Variants in TK2 observed in about 807,000 individuals in gnomAD.
The protein encoded by TK2 is thymidine kinase 2, mitochondrial.
Under a neutral mutation model 41.9 loss-of-function variants are expected in TK2, and 35 were observed. The observed-to-expected ratio is 0.84, with a 90% CI of 0.64 to 1.11. TK2 has a LOEUF of 1.11. Among genes scored for constraint, TK2 ranks in the 50% least tolerant of loss-of-function variants. The pLI is 0.00. For missense variants in TK2, 320 were observed against 351.1 expected (o/e 0.91, Z 0.71); for synonymous variants, 128 against 129.1 (o/e 0.99, Z 0.06).
rs1387478936 is a variant in TK2, at chr16:66,517,955, G to C, written c.450-78C>G. The C allele has an allele frequency of 8.1e-7, 1 of 1,231,010 alleles. No individual in the cohort carries two copies. The highest frequency in any genetic ancestry group is 1.5e-5 in the African/African-American group (1 of 67,440). 76.3% of individuals were successfully genotyped at this position (1,231,010 alleles called of 1,614,324 possible). ...TGCAATTCCCCCAAAAGGATCTTGA[G>C]ACGGCTCTCAATGAAAGGAGTCACC... On this transcript the variant is annotated intron_variant, in intron 6 of 9. Coordinates refer to ENST00000544898, the MANE Select transcript of TK2 (RefSeq NM_004614.5). The surrounding 1 kb of genome is among the most constrained non-coding windows in gnomAD (Gnocchi z 4.3).
rs891183857 is a variant in TK2, at chr16:66,510,040, A to C, written c.*1928T>G. 1.3e-5 allele frequency: 2 copies of C among 152,232 alleles called. No individual in the cohort carries two copies. The highest frequency in any genetic ancestry group is 4.8e-5 in the African/African-American group (2 of 41,444). The allele number at this position is 152,232 out of a possible 1,614,324, so 9.4% of individuals were successfully genotyped here. On this transcript the variant is annotated 3_prime_UTR_variant, in exon 10 of 10. Transcript: ENST00000544898. The stretch of plus-strand genomic sequence containing the variant: ...TAGGAAACACGGAGTTTGAAAAATA[A>C]AAACACGTTAATCTACTGGCAAAAG...
chr16:66,527,455 G>A (rs776774295), intron 6 of TK2, among the ~76,000 whole-genome samples: 1 of 152,140 alleles, frequency 6.6e-6, no homozygotes, highest in Non-Finnish European at 1.5e-5. Context: ...AACAAGTTGG[G>A]CTGGAGACCA....
intron 5 of TK2, among the ~76,000 whole-genome samples, chr16:66,529,535 T>C (rs2144402479): frequency 6.6e-6 from 1 of 152,348 alleles, no homozygotes; most frequent in East Asian, 1.9e-4. Context: ...GGTGACGTTC[T>C]GGGGGCTCTG....
At position 66,533,072 on chromosome 16, in the gene TK2, A is replaced by C. The variant is rs1261769377; in HGVS notation, c.286-1603T>G. Among the ~76,000 whole-genome samples the C allele has an allele frequency of 1.2e-4, 9 of 75,886 alleles. No individual in the cohort carries two copies. The Admixed American group carries it at 1.5e-3, about 13-fold the overall frequency. The allele number at this position is 75,886 out of a possible 152,430, so 49.8% of individuals were successfully genotyped here. On this transcript the variant is annotated intron_variant, in intron 4 of 9. Coordinates refer to ENST00000544898, the MANE Select transcript of TK2 (RefSeq NM_004614.5). The stretch of plus-strand genomic sequence containing the variant: ...ACCTATCACCTGTCTTTTTGATAAA[A>C]ATCTTTTTTTTTTTTTAAACAGAGT...
At chr16:66,536,843 C>T (rs988643577) in intron 4 of TK2, 121 bp downstream of exon 4, 3 of 1,224,414 alleles carry the variant, frequency 2.5e-6, no homozygotes, top group Non-Finnish European at 3.6e-6. Flanking sequence ...CCTCCCTGGT[C>T]TTCTCCAACT....
rs1255063590 is a variant in TK2 at position 66,510,257 on chromosome 16, T to C, written c.*1711A>G. The C allele has an allele frequency of 7.0e-6, 1 of 142,246 alleles. No homozygotes were observed. Among genetic ancestry groups the C allele is most frequent in the African/African-American group, 2.6e-5 (1 of 37,964 alleles). 8.8% of individuals were successfully genotyped at this position (142,246 alleles called of 1,614,324 possible). On this transcript the variant is annotated 3_prime_UTR_variant, in exon 10 of 10. Coordinates refer to ENST00000544898, the MANE Select transcript of TK2 (RefSeq NM_004614.5). The stretch of plus-strand genomic sequence containing the variant: ...GAGAGAAATCACATTTCCCCAAAAA[T>C]GGATGTGCAAAATGAGCCGAGAGGA...
intron 4 of TK2, among the ~76,000 whole-genome samples, chr16:66,535,494 A>C (rs1416621324): frequency 1.3e-5 from 2 of 152,198 alleles, no homozygotes; most frequent in African/African-American, 4.8e-5. Flanking sequence ...TCTTCTCCCG[A>C]ATGCACAGAG....
intron 3 of TK2, among the ~76,000 whole-genome samples, chr16:66,539,340 T>C (rs1369532609): frequency 5.3e-5 from 8 of 152,054 alleles, no homozygotes; most frequent in Non-Finnish European, 7.4e-5. Context: ...GGCTCACGCC[T>C]GTAATCCCAG....
At chr16:66,533,051 A>C (rs1364294476) in intron 4 of TK2, among the ~76,000 whole-genome samples, 1 of 148,460 alleles carries the variant, frequency 6.7e-6, no homozygotes, top group Non-Finnish European at 1.5e-5. Context: ...CTCCACACCT[A>C]TCACCTGTCT....
At chr16:66,538,869 G>A (rs1965367217) in intron 3 of TK2, among the ~76,000 whole-genome samples, 1 of 152,110 alleles carries the variant, frequency 6.6e-6, no homozygotes, top group Admixed American at 6.5e-5. Flanking sequence ...GACAGCCTGG[G>A]CTGGGATCTG....
intron 3 of TK2, among the ~76,000 whole-genome samples, chr16:66,539,424 C>T (rs1283753566): frequency 2.0e-5 from 3 of 151,834 alleles, no homozygotes; most frequent in South Asian, 2.1e-4. Context: ...CATGGTGAAA[C>T]CCCATCTCTA....
chr16:66,513,447 G>C (rs1964510196), intron 9 of TK2, among the ~76,000 whole-genome samples: 1 of 152,144 alleles, frequency 6.6e-6, no homozygotes, highest in South Asian at 2.1e-4. Context: ...GGTGAAAACT[G>C]AGACCCGGGT....
Position 66,509,913 on chromosome 16 carries a change from G to C in TK2, c.*2055C>G, listed in dbSNP as rs1964400982. ...TTCAGGTGTGGTCTCTAGGCTGGGA[G>C]ATTTTGCGACCTGCCCTGGCCACTG... On this transcript the variant is annotated 3_prime_UTR_variant, in exon 10 of 10. Transcript: ENST00000544898. 1 of 152,324 alleles carries C rather than the reference G, an allele frequency of 6.6e-6. No homozygotes were observed. The highest frequency in any genetic ancestry group is 6.5e-5 in the Admixed American group (1 of 15,278). 9.4% of individuals were successfully genotyped at this position (152,324 alleles called of 1,614,324 possible).
At chr16:66,537,109 G>GA in intron 3 of TK2, 92 bp from the exon 4 acceptor site, 1 of 1,537,596 alleles carries the variant, frequency 6.5e-7, no homozygotes, top group South Asian at 1.1e-5. Flanking sequence ...GGAGAGAAGG[G>GA]AAAAAGAGAG....
At position 66,529,062 on chromosome 16, in the gene TK2, T is replaced by C; in HGVS notation, c.381A>G (p.Ser127=). ...TCGACCTCTCCATCAACCGTACAGATGACACCTAAAGGAAAACAAAAAGAG... is the reference window on the plus strand; with the variant it reads ...TCGACCTCTCCATCAACCGTACAGACGACACCTAAAGGAAAACAAAAAGAG... ...MLDRHTRPQV[S]SVRLMERSIH... is the part of the protein sequence containing the mutation. Residue 127 remains serine (S), a synonymous_variant, in exon 6 of 10, where the codon TCA becomes TCG. Coordinates refer to ENST00000544898, the MANE Select transcript of TK2 (RefSeq NM_004614.5). The C allele has an allele frequency of 6.2e-7, 1 of 1,614,032 alleles. No homozygotes were observed. Among genetic ancestry groups the C allele is most frequent in the South Asian group, 1.1e-5 (1 of 91,086 alleles).
intron 1 of TK2, 166 bp from the exon 2 acceptor site, chr16:66,549,175 C>T (rs2144493086): frequency 2.7e-6 from 4 of 1,481,960 alleles, no homozygotes; most frequent in Non-Finnish European, 1.8e-6. Context: ...ACCACCGTCT[C>T]GCCGATGTGC....
At chr16:66,536,355 T>G (rs1965280445) in intron 4 of TK2, among the ~76,000 whole-genome samples, 1 of 152,044 alleles carries the variant, frequency 6.6e-6, no homozygotes, top group African/African-American at 2.4e-5. Context: ...AGAACCAACA[T>G]CCTCTTCTAA....
intron 9 of TK2, 26 bp from the exon 10 acceptor site, chr16:66,512,092 A>C: frequency 6.3e-7 from 1 of 1,597,592 alleles, no homozygotes; most frequent in Non-Finnish European, 8.6e-7. Flanking sequence ...ATGGGTCACA[A>C]GGCTGCACTG....
At chr16:66,539,602 GAAAAAAAAAAA>G (rs775031607) in intron 3 of TK2, among the ~76,000 whole-genome samples, 1 of 49,260 alleles carries the variant, frequency 2.0e-5, no homozygotes. Flanking sequence ...CTCCATCTCA[GAAAAAAAAAAA>G]AAAAAAAAAA....
Sources: gnomAD v4.1 joint callset for allele counts (sites outside exome capture counted in the v4.1 genomes callset) on GRCh38, gnomAD v4.1.1 for gene constraint, Gnocchi (gnomAD v3.1) non-coding constraint, MANE v1.5 for transcripts, NCBI Gene and HGNC (gene_info 2026-07-23, HGNC 2026-07-21) for gene names.